The following CDS2 variants were observed in gnomAD, a reference collection of about 807,000 sequenced individuals.
CDS2 encodes phosphatidate cytidylyltransferase 2.
In CDS2, 47 loss-of-function variants were observed where a neutral mutation model predicts 59.0. That is an observed-to-expected ratio of 0.80 (90% CI 0.63 to 1.02). The LOEUF (loss-of-function observed/expected upper bound fraction) is 1.02, where lower values mean the gene tolerates loss of function less well. Ranked by LOEUF, CDS2 falls within the 50% of genes least tolerant of loss-of-function variation. CDS2 has a pLI of 0.00. For missense variants in CDS2, 356 were observed against 558.9 expected (o/e 0.64, Z 3.66); for synonymous variants, 207 against 206.4 (o/e 1.00, Z -0.02).
intron 1 of CDS2, among the ~76,000 whole-genome samples, chr20:5,135,700 C>A (rs1214035248): frequency 1.3e-5 from 2 of 152,112 alleles, no homozygotes; most frequent in Non-Finnish European, 2.9e-5. Context: ...ATGTTGTTTG[C>A]CCCAACAGTA....
chr20:5,136,427 G>C (rs1568527478), intron 1 of CDS2, among the ~76,000 whole-genome samples: 1 of 152,148 alleles, frequency 6.6e-6, no homozygotes, highest in African/African-American at 2.4e-5. Flanking sequence ...TCTGTTTGTT[G>C]TTTGTTGTCT....
At chr20:5,133,218 T>C (rs2090622451) in intron 1 of CDS2, among the ~76,000 whole-genome samples, 1 of 152,142 alleles carries the variant, frequency 6.6e-6, no homozygotes, top group African/African-American at 2.4e-5. Context: ...GTTAAATTGC[T>C]CTCCTTGGTT....
chr20:5,183,727 C>G (rs1241915719), intron 7 of CDS2, among the ~76,000 whole-genome samples: 1 of 152,200 alleles, frequency 6.6e-6, no homozygotes, highest in Non-Finnish European at 1.5e-5. Flanking sequence ...AAATAAAATA[C>G]TAGCAAATAG....
Position 5,194,463 on chromosome 20 carries a change from C to T in CDS2, c.*4229C>T, listed in dbSNP as rs937459990. The T allele has an allele frequency of 3.9e-5, 6 of 152,362 alleles. No homozygotes were observed. Among genetic ancestry groups the T allele is most frequent in the Non-Finnish European group, 5.9e-5 (4 of 68,152 alleles). 9.4% of individuals were successfully genotyped at this position (152,362 alleles called of 1,614,324 possible). ...CCTGGCTGCTGTTGCCATCTGAATG[C>T]GCCCTTCCCTTTCAGGTTGACCAGC... On this transcript the variant is annotated 3_prime_UTR_variant, in exon 13 of 13. Transcript: ENST00000460006.
chr20:5,136,701 TG>T (rs879674312), intron 1 of CDS2, among the ~76,000 whole-genome samples: 21 of 150,936 alleles, frequency 1.4e-4, no homozygotes, highest in East Asian at 3.9e-4. Flanking sequence ...TAATAATTAT[TG>T]GGGGGGTGGG....
intron 1 of CDS2, among the ~76,000 whole-genome samples, chr20:5,163,553 G>T (rs1027548385): frequency 6.6e-6 from 1 of 151,638 alleles, no homozygotes; most frequent in South Asian, 2.1e-4. Flanking sequence ...GAGCCACTGC[G>T]CCTGGCCAGT....
At chr20:5,136,181 C>T (rs1232966873) in intron 1 of CDS2, among the ~76,000 whole-genome samples, 2 of 151,978 alleles carry the variant, frequency 1.3e-5, no homozygotes, top group African/African-American at 4.8e-5. Context: ...CCTGGCTAGT[C>T]CTGTGGTTTC....
chr20:5,171,227 C>T (rs905535987), intron 1 of CDS2, among the ~76,000 whole-genome samples: 1 of 152,216 alleles, frequency 6.6e-6, no homozygotes, highest in Non-Finnish European at 1.5e-5. Flanking sequence ...GCTCCTCCCT[C>T]GCAGGACGCT....
At position 5,175,210 on chromosome 20, in the gene CDS2, C is replaced by A. The variant is rs767582979; in HGVS notation, c.222C>A (p.Ile74=). ...SRWKNWWVRG[I]LTLAMIAFFF... ...GGAAGAACTGGTGGGTGAGAGGCATCCTGACTTTGGCCATGATTGCATTTT... is the reference window on the plus strand; with the variant it reads ...GGAAGAACTGGTGGGTGAGAGGCATACTGACTTTGGCCATGATTGCATTTT... Residue 74 remains isoleucine (I), a synonymous_variant, in exon 3 of 13, where the codon ATC becomes ATA. Transcript: ENST00000460006. The A allele has an allele frequency of 4.0e-5, 65 of 1,614,012 alleles. No individual in the cohort carries two copies. Among genetic ancestry groups the A allele is most frequent in the Non-Finnish European group, 5.1e-5 (60 of 1,179,974 alleles).
At chr20:5,187,317 A>G (rs941002368) in intron 10 of CDS2, 21 of 182,120 alleles carry the variant, frequency 1.2e-4, no homozygotes, top group African/African-American at 4.4e-4. Context: ...AATTTTGTTA[A>G]ATCTTGACCT....
intron 1 of CDS2, among the ~76,000 whole-genome samples, chr20:5,143,218 T>C (rs981011057): frequency 2.6e-5 from 4 of 151,942 alleles, no homozygotes; most frequent in African/African-American, 9.7e-5. Context: ...AGGTGCAAAA[T>C]TAAAACCCTC....
At position 5,189,153 on chromosome 20, in the gene CDS2, C is replaced by T. The variant is rs34096549; in HGVS notation, c.1068C>T (p.Phe356=). The T allele has an allele frequency of 7.0e-3, 11,235 of 1,614,130 alleles. 538 individuals are homozygous for T. In the Admixed American group the frequency reaches 0.094, roughly 13 times the overall value. The change falls in exon 11 of 13, where the codon TTC becomes TTT. Residue 356 remains phenylalanine (F), a synonymous_variant. Coordinates refer to ENST00000460006, the MANE Select transcript of CDS2 (RefSeq NM_003818.4). ...TCATTGGCCCCTTTGGAGGATTCTT[C>T]GCAAGTGGATTCAAACGAGCCTTTA... ...ASLIGPFGGF[F]ASGFKRAFKI...
chr20:5,157,605 G>A (rs1474945061), intron 1 of CDS2, among the ~76,000 whole-genome samples: 1 of 152,188 alleles, frequency 6.6e-6, no homozygotes, highest in Non-Finnish European at 1.5e-5. Context: ...TGGGGTCTGG[G>A]AAGTCCAAGA....
Position 5,182,493 on chromosome 20 carries a change from GT to G in CDS2, c.588+53del, listed in dbSNP as rs1568543111. On this transcript the variant is annotated intron_variant, in intron 6 of 12. Coordinates refer to ENST00000460006, the MANE Select transcript of CDS2 (RefSeq NM_003818.4). ...TGTCAGAATTCTTGATTTAAATGAA[GT>G]TTTTCAGGAACTCAACAAGCCTTTC... 4 of 1,542,306 alleles carry G rather than the reference GT, an allele frequency of 2.6e-6. No homozygotes were observed. In the South Asian group the frequency reaches 4.7e-5, roughly 18 times the overall value.
chr20:5,191,732 GAGTGACTTC>G lies in CDS2; in HGVS notation c.*1499_*1507del, dbSNP rs1329563441. On this transcript the variant is annotated 3_prime_UTR_variant, in exon 13 of 13. Transcript: ENST00000460006. ...GGGATGTTTCAGCTCACACATCCTT[GAGTGACTTC>G]CCATATGTGTGTGGGGCTGAAGCGG... 1 of 152,316 alleles carries G rather than the reference GAGTGACTTC, an allele frequency of 6.6e-6. No homozygotes were observed. The highest frequency in any genetic ancestry group is 1.9e-4 in the East Asian group (1 of 5,184). The allele number at this position is 152,316 out of a possible 1,614,324, so 9.4% of individuals were successfully genotyped here.
intron 1 of CDS2, among the ~76,000 whole-genome samples, chr20:5,127,633 G>A (rs1288082493): frequency 6.6e-6 from 1 of 152,146 alleles, no homozygotes; most frequent in Non-Finnish European, 1.5e-5. Flanking sequence ...TCCCTTCTTG[G>A]GCATGAAATC....
At chr20:5,176,621 T>A in intron 3 of CDS2, 27 bp from the exon 4 acceptor site, 1 of 1,538,754 alleles carries the variant, frequency 6.5e-7, no homozygotes. Flanking sequence ...AGAATTGGGG[T>A]GTCAGTGAAT....
At chr20:5,145,236 A>ACC (rs796723724) in intron 1 of CDS2, among the ~76,000 whole-genome samples, 1,438 of 51,876 alleles carry the variant, frequency 0.028, 37 homozygotes, top group Middle Eastern at 0.071. Context: ...GAAAGGAAAG[A>ACC]CCCCCCCCCC....
intron 10 of CDS2, 106 bp downstream of exon 10, chr20:5,186,945 A>C: frequency 7.8e-7 from 1 of 1,278,896 alleles, no homozygotes; most frequent in Non-Finnish European, 1.1e-6. Flanking sequence ...CCTCCTTCCC[A>C]AAGCTGTAAG....
Sources: allele counts gnomAD v4.1 joint callset (sites outside exome capture counted in the v4.1 genomes callset), GRCh38; gene constraint gnomAD v4.1.1; transcripts MANE v1.5; gene names NCBI Gene and HGNC (gene_info 2026-07-23, HGNC 2026-07-21).